DLG3: variants seen among roughly 807,000 people sequenced by gnomAD.
DLG3 encodes discs large MAGUK scaffold protein 3, also known as disks large homolog 3.
A neutral mutation model predicts 64.1 loss-of-function variants in DLG3; 1 was observed. The observed-to-expected ratio is 0.02, with a 90% CI of 0.01 to 0.07. The LOEUF is 0.07. Ranked by LOEUF, DLG3 falls within the 10% of genes least tolerant of loss-of-function variation. DLG3 has a pLI of 1.00. For missense variants in DLG3, 429 were observed against 669.5 expected (o/e 0.64, Z 3.96); for synonymous variants, 245 against 259.8 (o/e 0.94, Z 0.55).
chrX:70,468,690 T>G (rs1027716745), intron 9 of DLG3, among the ~76,000 whole-genome samples: 3 of 111,793 alleles, frequency 2.7e-5, no homozygotes, highest in Non-Finnish European at 3.8e-5. Context: ...ATTTGCCCAT[T>G]GAAGCCTATT....
intron 9 of DLG3, 49 bp from the exon 10 acceptor site, chrX:70,479,101 G>GC (rs772319384): frequency 1.8e-6 from 2 of 1,112,464 alleles, no homozygotes; most frequent in Non-Finnish European, 2.5e-6. Flanking sequence ...GCTCAGAGGC[G>GC]CTCCTTGAGT....
At chrX:70,460,254 G>A (rs1457154602) in intron 9 of DLG3, among the ~76,000 whole-genome samples, 2 of 99,271 alleles carry the variant, frequency 2.0e-5, no homozygotes, top group African/African-American at 7.4e-5. Flanking sequence ...CTACACTCCA[G>A]CCTGGTGTCA....
At chrX:70,501,915 C>G (rs762342655) in intron 18 of DLG3, among the ~76,000 whole-genome samples, 1 of 111,567 alleles carries the variant, frequency 9.0e-6, no homozygotes, top group South Asian at 3.9e-4. Flanking sequence ...CTTAGTCTCA[C>G]TGTCTCAGTG....
At chrX:70,480,761 G>A (rs1371349349) in intron 10 of DLG3, among the ~76,000 whole-genome samples, 1 of 112,076 alleles carries the variant, frequency 8.9e-6, no homozygotes, top group African/African-American at 3.2e-5. Context: ...TCCAGTGTGC[G>A]TGGGAAGCTG....
At chrX:70,498,608 T>A (rs775453488) in intron 14 of DLG3, 38 bp downstream of exon 14, 1 of 1,164,287 alleles carries the variant, frequency 8.6e-7, no homozygotes, top group East Asian at 3.0e-5. Flanking sequence ...CGTGCTGGTC[T>A]CCTGGTCGTG....
At chrX:70,502,072 A>G in intron 18 of DLG3, 91 bp from the exon 19 acceptor site, 4 of 666,635 alleles carry the variant, frequency 6.0e-6, no homozygotes, top group Non-Finnish European at 9.6e-6. Flanking sequence ...TGGAGGGGGG[A>G]CTTGTAGGAT....
At position 70,504,369 on chromosome X, in the gene DLG3, T is replaced by G. The variant is rs2087617877; in HGVS notation, c.*2100T>G. 8.9e-6 allele frequency: 1 copy of G among 112,582 alleles called. No homozygotes were observed. Among genetic ancestry groups the G allele is most frequent in the African/African-American group, 3.2e-5 (1 of 30,865 alleles). The allele number at this position is 112,582 out of a possible 1,213,427, so 9.3% of individuals were successfully genotyped here. On this transcript the variant is annotated 3_prime_UTR_variant, in exon 19 of 19. Coordinates refer to ENST00000374360, the MANE Select transcript of DLG3 (RefSeq NM_021120.4). The stretch of plus-strand genomic sequence containing the variant: ...TTAATAAACGATAGTTGCAATGAAC[T>G]GTGGCTCAGAGACCTTCTTAAAGTA...
chrX:70,471,890 CTG>C (rs2086975769), intron 9 of DLG3, among the ~76,000 whole-genome samples: 1 of 111,786 alleles, frequency 8.9e-6, no homozygotes, highest in South Asian at 3.8e-4. Context: ...TTCCCGGTCT[CTG>C]TTATCTCTCT....
At position 70,490,216 on chromosome X, in the gene DLG3, T is replaced by TTA. The variant is rs1241644893; in HGVS notation, c.1521-1890_1521-1889dup. ...CTTCTCTCACCAAACTAATTTGTGC[T>TTA]TAATTCAAGTTCTGTTCTTTTCCTT... On this transcript the variant is annotated intron_variant, in intron 10 of 18. Coordinates refer to ENST00000374360, the MANE Select transcript of DLG3 (RefSeq NM_021120.4). Among the ~76,000 whole-genome samples the TTA allele has an allele frequency of 2.7e-5, 3 of 112,288 alleles. No homozygotes were observed. The Admixed American group carries it at 2.8e-4, about 11-fold the overall frequency.
chrX:70,446,655 C>T (rs2086571637), intron 1 of DLG3, among the ~76,000 whole-genome samples: 1 of 112,855 alleles, frequency 8.9e-6, no homozygotes, highest in African/African-American at 3.2e-5. Flanking sequence ...CTTCCACTCC[C>T]AGCCTAAACT....
chrX:70,456,149 C>G (rs1195853182), intron 9 of DLG3: 1 of 112,287 alleles, frequency 8.9e-6, no homozygotes, highest in Non-Finnish European at 1.9e-5. Flanking sequence ...TCATTTCTCT[C>G]CTTGTTTGGT....
intron 4 of DLG3, 112 bp from the exon 5 acceptor site, chrX:70,450,057 G>A: frequency 1.9e-6 from 2 of 1,058,023 alleles, no homozygotes; most frequent in Non-Finnish European, 2.6e-6. Flanking sequence ...CCCCCGGGGG[G>A]AGCTCCTGTG....
intron 9 of DLG3, among the ~76,000 whole-genome samples, chrX:70,478,753 G>A (rs913467033): frequency 4.5e-5 from 5 of 111,557 alleles, no homozygotes; most frequent in African/African-American, 1.6e-4. Flanking sequence ...TCTGCAATCC[G>A]CTTTTTGGGA....
intron 9 of DLG3, among the ~76,000 whole-genome samples, chrX:70,471,895 A>ATC (rs1451915453): frequency 9.0e-6 from 1 of 110,865 alleles, no homozygotes; most frequent in East Asian, 2.8e-4. Context: ...GGTCTCTGTT[A>ATC]TCTCTCTCTC....
chrX:70,497,061 TG>T, intron 13 of DLG3: 2 of 712,721 alleles, frequency 2.8e-6, no homozygotes, highest in African/African-American at 2.1e-5. Context: ...GGCAGGCCTC[TG>T]GTGGCCTGAC....
intron 13 of DLG3, chrX:70,497,074 C>A: frequency 1.2e-6 from 1 of 823,374 alleles, no homozygotes; most frequent in Admixed American, 2.3e-5. Context: ...TGGCCTGACT[C>A]AGTTGGCAGC....
chrX:70,465,752 G>A (rs1266656705), intron 9 of DLG3, among the ~76,000 whole-genome samples: 1 of 111,148 alleles, frequency 9.0e-6, no homozygotes, highest in Admixed American at 9.7e-5. Context: ...GCAGTTTTAT[G>A]TTCTTCCCAT....
At chrX:70,493,585 C>G in intron 12 of DLG3, 1 of 651,019 alleles carries the variant, frequency 1.5e-6, no homozygotes, top group Admixed American at 2.7e-5. Flanking sequence ...GGCCTCGTGC[C>G]TGCCTGTGTG....
intron 9 of DLG3, among the ~76,000 whole-genome samples, chrX:70,469,618 A>G (rs1014538489): frequency 9.5e-6 from 1 of 105,459 alleles, no homozygotes; most frequent in Non-Finnish European, 2.0e-5. Flanking sequence ...AATTTTTTGT[A>G]TTTTTTTTTA....
Sources: gnomAD v4.1 joint callset for allele counts (sites outside exome capture counted in the v4.1 genomes callset) on GRCh38, gnomAD v4.1.1 for gene constraint, MANE v1.5 for transcripts, NCBI Gene and HGNC (gene_info 2026-07-23, HGNC 2026-07-21) for gene names.